SUMO3: variants seen among roughly 807,000 people sequenced by gnomAD.
SUMO3 encodes small ubiquitin-related modifier 3.
A neutral mutation model predicts 11.1 loss-of-function variants in SUMO3; 2 were observed. The ratio of observed to expected loss-of-function variants is 0.18; its 90% CI spans 0.07 to 0.57. The LOEUF (loss-of-function observed/expected upper bound fraction) is 0.57. SUMO3 is among the 20% of genes least tolerant of loss of function. The pLI, the probability that SUMO3 is intolerant of heterozygous loss-of-function variation, is 0.92. For synonymous variants in SUMO3, 56 were observed against 53.5 expected, an observed-to-expected ratio of 1.05 and a Z score of -0.20; for missense variants, 70 against 132.8, an observed-to-expected ratio of 0.53 and a Z score of 2.32.
chr21:44,813,496 C>T (rs1372454376), intron 2 of SUMO3: 6 of 282,212 alleles, frequency 2.1e-5, no homozygotes, highest in East Asian at 6.6e-5. Context: ...AAGAATCACG[C>T]GCTTTCTTGC....
intron 2 of SUMO3, among the ~76,000 whole-genome samples, chr21:44,812,355 C>A (rs2083217292): frequency 1.3e-5 from 2 of 152,222 alleles, no homozygotes; most frequent in Admixed American, 6.5e-5. Context: ...GCTGGGATTA[C>A]AGGCATAAGC....
At chr21:44,817,239 G>A (rs1033080703) in intron 1 of SUMO3, among the ~76,000 whole-genome samples, 1 of 150,748 alleles carries the variant, frequency 6.6e-6, no homozygotes, top group African/African-American at 2.4e-5. Flanking sequence ...GGGACGCGAT[G>A]GAGGCGGTGG....
intron 3 of SUMO3, chr21:44,808,525 GTC>G (rs1394776295): frequency 7.0e-7 from 1 of 1,421,676 alleles, no homozygotes; most frequent in Admixed American, 3.1e-5. Context: ...AAAAAAAAAA[GTC>G]TGTTTCCAGG....
chr21:44,813,643 G>A (rs2083226316), intron 2 of SUMO3: 2 of 654,526 alleles, frequency 3.1e-6, no homozygotes, highest in Admixed American at 5.9e-5. Flanking sequence ...CCAGACCTGA[G>A]CAGGGCCCCC....
rs1325946480 is a variant in SUMO3 at position 44,806,872 on chromosome 21, C to G, written c.*79G>C. The G allele has an allele frequency of 1.9e-6, 3 of 1,585,452 alleles. No individual in the cohort carries two copies. The highest frequency in any genetic ancestry group is 1.7e-4 in the Middle Eastern group (1 of 5,990). ...GAATGTCCTCGAGTTTCCGCAGACA[C>G]CTTTGTGGTCGGCATGGTCACGTGC... is the stretch of plus-strand genomic sequence containing the variant. On this transcript the variant is annotated 3_prime_UTR_variant, in exon 4 of 4. Transcript: ENST00000332859.
At position 44,808,340 on chromosome 21, in the gene SUMO3, G is replaced by A. The variant is rs551406761; in HGVS notation, c.222+707C>T. 2,432 of 417,712 alleles carry A rather than the reference G, an allele frequency of 5.8e-3. 10 individuals are homozygous for A. Among genetic ancestry groups the A allele is most frequent in the Non-Finnish European group, 8.0e-3 (1,888 of 237,136 alleles). 25.9% of individuals were successfully genotyped at this position (417,712 alleles called of 1,614,324 possible). ...ATCCTGGCTAACATGGTGAAACCCC[G>A]TCTCTACTAAAAATACAAAAAAATT... On this transcript the variant is annotated intron_variant, in intron 3 of 3. Transcript: ENST00000332859.
chr21:44,812,669 G>A (rs1423537941), intron 2 of SUMO3, among the ~76,000 whole-genome samples: 2 of 152,204 alleles, frequency 1.3e-5, no homozygotes, highest in Non-Finnish European at 2.9e-5. Context: ...TGAACAGGAG[G>A]CCCTGGACCA....
chr21:44,807,731 G>C lies in SUMO3; in HGVS notation c.223-691C>G, dbSNP rs967941551. 1.3e-5 allele frequency among the ~76,000 whole-genome samples: 2 copies of C among 152,142 alleles called. No homozygotes were observed. The highest frequency in any genetic ancestry group is 4.8e-5 in the African/African-American group (2 of 41,422). ...GAAAGGAGTCCCATCAGGGCTGTCG[G>C]CCACCCTCACCCTGCCACCGACACT... is the stretch of plus-strand genomic sequence containing the variant. On this transcript the variant is annotated intron_variant, in intron 3 of 3. Coordinates refer to ENST00000332859, the MANE Select transcript of SUMO3 (RefSeq NM_006936.3). The surrounding 1 kb of genome is among the most constrained non-coding windows in gnomAD (Gnocchi z 4.3).
intron 2 of SUMO3, 145 bp downstream of exon 2, chr21:44,813,831 G>A (rs1003225398): frequency 5.8e-6 from 9 of 1,540,082 alleles, no homozygotes; most frequent in African/African-American, 1.4e-5. Context: ...TACAGCACAA[G>A]CCCCCGCCTG....
At position 44,809,083 on chromosome 21, in the gene SUMO3, G is replaced by A. The variant is rs767834690; in HGVS notation, c.186C>T (p.Asp62=). The change falls in exon 3 of 4, where the codon GAC becomes GAT. Residue 62 remains aspartate, a synonymous_variant. Transcript: ENST00000332859. ...LSMRQIRFRF[D]GQPINETDTP... Reference sequence around the variant, plus strand: ...TGTCAGTTTCATTGATTGGCTGCCCGTCGAACCTGAATCTGATCTGCCTCA... The same window carrying A: ...TGTCAGTTTCATTGATTGGCTGCCCATCGAACCTGAATCTGATCTGCCTCA... 2.0e-5 allele frequency: 32 copies of A among 1,613,874 alleles called. No homozygotes were observed. The highest frequency in any genetic ancestry group is 6.7e-5 in the Admixed American group (4 of 59,984).
At position 44,810,939 on chromosome 21, in the gene SUMO3, C is replaced by T. The variant is rs1448939369; in HGVS notation, c.151-1821G>A. 1.3e-5 allele frequency among the ~76,000 whole-genome samples: 2 copies of T among 151,382 alleles called. No individual in the cohort carries two copies. Among genetic ancestry groups the T allele is most frequent in the African/African-American group, 4.9e-5 (2 of 41,096 alleles). On this transcript the variant is annotated intron_variant, in intron 2 of 3. Transcript: ENST00000332859. The surrounding 1 kb of genome is among the most constrained non-coding windows in gnomAD (Gnocchi z 4.1). ...GCCCACACCCACACATGCCCACACC[C>T]ACACACATGCACACACCCACACATG...
chr21:44,814,251 G>A (rs1053682705), intron 1 of SUMO3, 147 bp from the exon 2 acceptor site: 15 of 1,084,854 alleles, frequency 1.4e-5, no homozygotes, highest in African/African-American at 3.2e-5. Flanking sequence ...AGAGTCACTC[G>A]TGATGGTTTT....
intron 1 of SUMO3, among the ~76,000 whole-genome samples, chr21:44,817,446 G>T (rs985255883): frequency 1.3e-5 from 2 of 152,052 alleles, no homozygotes; most frequent in African/African-American, 4.8e-5. Context: ...CCCTCAGAGC[G>T]CGCCCCTTGG....
Position 44,806,631 on chromosome 21 carries a change from G to C in SUMO3, c.*320C>G, listed in dbSNP as rs762099154. 5.0e-6 allele frequency: 2 copies of C among 399,816 alleles called. No individual in the cohort carries two copies. The highest frequency in any genetic ancestry group is 4.2e-5 in the African/African-American group (2 of 47,488). 24.8% of individuals were successfully genotyped at this position (399,816 alleles called of 1,614,324 possible). Reference sequence around the variant, plus strand: ...TCAGATCCCTGGCCAGACTAAAAGCGAACATTCAGGCTATAATTTTGGGGT... The same window carrying C: ...TCAGATCCCTGGCCAGACTAAAAGCCAACATTCAGGCTATAATTTTGGGGT... On this transcript the variant is annotated 3_prime_UTR_variant, in exon 4 of 4. Coordinates refer to ENST00000332859, the MANE Select transcript of SUMO3 (RefSeq NM_006936.3).
Position 44,807,711 on chromosome 21 carries a change from G to A in SUMO3, c.223-671C>T, listed in dbSNP as rs996006840. Among the ~76,000 whole-genome samples, 9 of 152,194 alleles carry A rather than the reference G, an allele frequency of 5.9e-5. No individual in the cohort carries two copies. The highest frequency in any genetic ancestry group is 2.6e-4 in the Admixed American group (4 of 15,290). On this transcript the variant is annotated intron_variant, in intron 3 of 3. Transcript: ENST00000332859. The surrounding 1 kb of genome is among the most constrained non-coding windows in gnomAD (Gnocchi z 4.3). ...AGTAGTCATGCTCCCAGATGGAAAG[G>A]AGTCCCATCAGGGCTGTCGGCCACC...
rs1450944675 is a variant in SUMO3 at position 44,807,423 on chromosome 21, G to A, written c.223-383C>T. On this transcript the variant is annotated intron_variant, in intron 3 of 3. Transcript: ENST00000332859. The surrounding 1 kb of genome is among the most constrained non-coding windows in gnomAD (Gnocchi z 4.3). The stretch of plus-strand genomic sequence containing the variant: ...CAGCACTGAGTCCTAGGACCCACAG[G>A]AGCCTTGCGCTTTATACCAAGTGCG... Among the ~76,000 whole-genome samples the A allele has an allele frequency of 1.3e-5, 2 of 152,090 alleles. No individual in the cohort carries two copies. Among genetic ancestry groups the A allele is most frequent in the Non-Finnish European group, 2.9e-5 (2 of 68,024 alleles).
At position 44,815,626 on chromosome 21, in the gene SUMO3, C is replaced by G. The variant is rs149359428; in HGVS notation, c.22-1522G>C. On this transcript the variant is annotated intron_variant, in intron 1 of 3. Transcript: ENST00000332859. ...CATGAGCCCCCTTCACTTCCCCAAG[C>G]ATGAGGATGCACTGGCTTCTTTAGG... is the stretch of plus-strand genomic sequence containing the variant. Among the ~76,000 whole-genome samples the G allele has an allele frequency of 2.9e-3, 449 of 152,296 alleles. 3 individuals carry two copies. Among genetic ancestry groups the G allele is most frequent in the African/African-American group, 0.01 (435 of 41,554 alleles).
At chr21:44,817,328 G>A (rs1198023492) in intron 1 of SUMO3, among the ~76,000 whole-genome samples, 1 of 151,502 alleles carries the variant, frequency 6.6e-6, no homozygotes. Context: ...AGGGGTGGGC[G>A]CACACTGGGG....
intron 3 of SUMO3, chr21:44,808,385 C>G: frequency 3.0e-6 from 2 of 658,054 alleles, no homozygotes; most frequent in Non-Finnish European, 4.7e-6. Context: ...TGGTGGTGGG[C>G]ACCTATAGTC....
Sources: allele counts gnomAD v4.1 joint callset (sites outside exome capture counted in the v4.1 genomes callset), GRCh38; gene constraint gnomAD v4.1.1; non-coding constraint Gnocchi (gnomAD v3.1); transcripts MANE v1.5; gene names NCBI Gene and HGNC (gene_info 2026-07-23, HGNC 2026-07-21).